SYNE1: variants seen among roughly 807,000 people sequenced by gnomAD.
SYNE1 encodes the protein nesprin-1.
Under a neutral mutation model 1,111.0 loss-of-function variants are expected in SYNE1, and 616 were observed. That is an observed-to-expected ratio of 0.55 (90% CI 0.52 to 0.59). The LOEUF (loss-of-function observed/expected upper bound fraction) is 0.59. SYNE1 is among the 20% of genes least tolerant of loss of function. The pLI is 0.00. For missense variants in SYNE1, 10,006 were observed against 10,417.0 expected (o/e 0.96, Z 1.72); for synonymous variants, 3,855 against 3,825.8 (o/e 1.01, Z -0.28).
rs1177684086 is a variant in SYNE1 at position 152,323,461 on chromosome 6, A to G, written c.15917+17T>C. ...ACAAACAAACAAACAAAAGAATGAA[A>G]GTAGGTGCTTAATTACTTCAGGCAC... On this transcript the variant is annotated intron_variant, in intron 82 of 145. Coordinates refer to ENST00000367255, the MANE Select transcript of SYNE1 (RefSeq NM_182961.4). 6.2e-7 allele frequency: 1 copy of G among 1,611,072 alleles called. No homozygotes were observed. The highest frequency in any genetic ancestry group is 2.2e-5 in the East Asian group (1 of 44,870).
intron 122 of SYNE1, among the ~76,000 whole-genome samples, chr6:152,214,563 G>A (rs2078206236): frequency 6.6e-6 from 1 of 152,188 alleles, no homozygotes; most frequent in Non-Finnish European, 1.5e-5. Context: ...ACGGTGATTA[G>A]GCCATGAGGA....
intron 140 of SYNE1, among the ~76,000 whole-genome samples, chr6:152,139,706 GA>G (rs11279871): frequency 4.2e-5 from 2 of 47,754 alleles, no homozygotes; most frequent in East Asian, 5.1e-4. Flanking sequence ...AAGAGAAAAA[GA>G]AAAGAAAGAA....
chr6:152,221,048 T>A lies in SYNE1; in HGVS notation c.21657-2A>T. ...ATCTCTTCCAGCAAGTTATTCCATCTGGAAATAATAACCAACACTCATGAG... is the reference window on the plus strand; with the variant it reads ...ATCTCTTCCAGCAAGTTATTCCATCAGGAAATAATAACCAACACTCATGAG... On this transcript the variant is annotated splice_acceptor_variant, in intron 118 of 145. Coordinates refer to ENST00000367255, the MANE Select transcript of SYNE1 (RefSeq NM_182961.4). LOFTEE classifies it high-confidence loss of function. 2 of 1,614,056 alleles carry A rather than the reference T, an allele frequency of 1.2e-6. No individual in the cohort carries two copies. Among genetic ancestry groups the A allele is most frequent in the Non-Finnish European group, 1.7e-6 (2 of 1,179,970 alleles).
intron 24 of SYNE1, among the ~76,000 whole-genome samples, chr6:152,454,951 G>C (rs2098684989): frequency 2.0e-5 from 3 of 152,074 alleles, no homozygotes; most frequent in Admixed American, 6.6e-5. Context: ...TGATAAACAT[G>C]AAGATGGCTT....
At chr6:152,184,488 T>G in intron 128 of SYNE1, among the ~76,000 whole-genome samples, 1 of 151,640 alleles carries the variant, frequency 6.6e-6, no homozygotes, top group East Asian at 1.9e-4. Context: ...ATTAAAGACC[T>G]GACAACAGCT....
chr6:152,130,490 T>C (rs565667774), intron 145 of SYNE1, among the ~76,000 whole-genome samples: 2 of 152,344 alleles, frequency 1.3e-5, no homozygotes, highest in East Asian at 3.9e-4. Context: ...ATGGGCTATG[T>C]TGAGACAAAC....
At chr6:152,349,741 AG>A (rs1438304479) in intron 72 of SYNE1, among the ~76,000 whole-genome samples, 1 of 152,198 alleles carries the variant, frequency 6.6e-6, no homozygotes, top group Non-Finnish European at 1.5e-5. Flanking sequence ...GTGTTGTAGA[AG>A]GGACCTGGTA....
rs768153188 is a variant in SYNE1, at chr6:152,458,878, G to A, written c.2447C>T (p.Pro816Leu). 14 of 1,613,756 alleles carry A rather than the reference G, an allele frequency of 8.7e-6. No homozygotes were observed. The highest frequency in any genetic ancestry group is 4.5e-5 in the East Asian group (2 of 44,864). ...LLYESQQLLI[P>L]LEELEKQMTS... ...CATCTGCTTTTCTAATTCCTCCAAC[G>A]GAATCAACAGCTGCTGAGACTCATA... is the stretch of plus-strand genomic sequence containing the variant. Residue 816 changes from proline (P) to leucine (L), a missense_variant, in exon 22 of 146, where the codon CCG becomes CTG. Around this residue, in one of 7 missense-constraint regions of SYNE1, gnomAD observed 1,971 missense variants for 2,084.1 expected, o/e 0.95. Transcript: ENST00000367255.
intron 133 of SYNE1, among the ~76,000 whole-genome samples, chr6:152,152,745 G>A (rs901541870): frequency 6.6e-6 from 1 of 152,104 alleles, no homozygotes; most frequent in South Asian, 2.1e-4. Flanking sequence ...TAAAATACAA[G>A]TAACTTTATA....
chr6:152,262,965 T>C (rs978118593), intron 100 of SYNE1, among the ~76,000 whole-genome samples: 3 of 142,554 alleles, frequency 2.1e-5, no homozygotes, highest in African/African-American at 5.4e-5. Flanking sequence ...GGGAAGGTGA[T>C]ACAGGACATG....
rs1590900424 is a variant in SYNE1, at chr6:152,353,892, C to T, written c.10927-148G>A. 1.6e-5 allele frequency: 16 copies of T among 973,442 alleles called. No individual in the cohort carries two copies. In the East Asian group the frequency reaches 3.6e-4, roughly 22 times the overall value. The allele number at this position is 973,442 out of a possible 1,614,324, so 60.3% of individuals were successfully genotyped here. A position where few individuals can be genotyped will look rare whatever the true frequency, so the allele number is the denominator to read the frequency against. On this transcript the variant is annotated intron_variant, in intron 67 of 145. Coordinates refer to ENST00000367255, the MANE Select transcript of SYNE1 (RefSeq NM_182961.4). Reference sequence around the variant, plus strand: ...TTTTGAAAATGCCATATGTTATCTTCATAAATATTATATTACAACAATGTG... The same window carrying T: ...TTTTGAAAATGCCATATGTTATCTTTATAAATATTATATTACAACAATGTG...
At chr6:152,333,579 A>T (rs756043100) in intron 77 of SYNE1, among the ~76,000 whole-genome samples, 12 of 152,194 alleles carry the variant, frequency 7.9e-5, no homozygotes, top group Non-Finnish European at 1.5e-4. Context: ...GTTCATAATG[A>T]TGTTCTACTT....
chr6:152,600,094 A>G (rs1371657488), intron 3 of SYNE1, among the ~76,000 whole-genome samples: 2 of 152,244 alleles, frequency 1.3e-5, no homozygotes, highest in African/African-American at 4.8e-5. Flanking sequence ...TGACGACTCC[A>G]TTAAATGCAG....
intron 4 of SYNE1, among the ~76,000 whole-genome samples, chr6:152,531,839 T>C (rs1031517075): frequency 4.6e-5 from 7 of 152,186 alleles, no homozygotes; most frequent in Non-Finnish European, 1.0e-4. Context: ...TCCATCCTTT[T>C]TAAAGGCTGA....
chr6:152,128,113 T>G (rs1165551343), intron 145 of SYNE1: 1 of 152,222 alleles, frequency 6.6e-6, no homozygotes, highest in Non-Finnish European at 1.5e-5. Context: ...AGCTGTCAAT[T>G]TCAACTCAGT....
chr6:152,463,401 T>C lies in SYNE1; in HGVS notation c.2049A>G (p.Leu683=). ...CCCTCCACCGCCCATTTAGCAACAG[T>C]AATTGCTGCTTCAGGTCACGGGAAA... is the stretch of plus-strand genomic sequence containing the variant. ...EMVSRDLKQQ[L]LLLNGRWREL... The change falls in exon 19 of 146, where the codon TTA becomes TTG. Residue 683 remains leucine (L), a synonymous_variant. Coordinates refer to ENST00000367255, the MANE Select transcript of SYNE1 (RefSeq NM_182961.4). 2 of 1,613,830 alleles carry C rather than the reference T, an allele frequency of 1.2e-6. No individual in the cohort carries two copies. The highest frequency in any genetic ancestry group is 1.1e-5 in the South Asian group (1 of 91,082).
chr6:152,452,751 A>G (rs148894647), intron 25 of SYNE1, among the ~76,000 whole-genome samples: 4 of 152,216 alleles, frequency 2.6e-5, no homozygotes, highest in Non-Finnish European at 4.4e-5. Flanking sequence ...AGAATCTGAC[A>G]TGCAGTCTGA....
chr6:152,220,915 T>C lies in SYNE1; in HGVS notation c.21788A>G (p.Asn7263Ser). The C allele has an allele frequency of 6.2e-7, 1 of 1,614,194 alleles. No homozygotes were observed. Among genetic ancestry groups the C allele is most frequent in the African/African-American group, 1.3e-5 (1 of 75,060 alleles). The stretch of plus-strand genomic sequence containing the variant: ...GTTTGTGGCTGCCTTCAACAGCTCA[T>C]TGGTTCGATCCTCCTGCTGCTGAAC... ...STVQQQEDRT[N>S]ELLKAATNKD... Residue 7263 changes from asparagine to serine, a missense_variant, in exon 119 of 146, where the codon AAT becomes AGT. Around this residue, in one of 7 missense-constraint regions of SYNE1, gnomAD observed 2,182 missense variants for 2,287.8 expected, o/e 0.95. Transcript: ENST00000367255.
intron 32 of SYNE1, 21 bp downstream of exon 32, chr6:152,441,109 T>C (rs1159527795): frequency 1.2e-6 from 2 of 1,612,908 alleles, no homozygotes; most frequent in South Asian, 2.2e-5. Context: ...GAATATTGGG[T>C]ACCAAGGAGC....
Sources: allele counts gnomAD v4.1 joint callset (sites outside exome capture counted in the v4.1 genomes callset), GRCh38; gene constraint gnomAD v4.1.1; regional missense constraint gnomAD v4.1.1; transcripts MANE v1.5; gene names NCBI Gene and HGNC (gene_info 2026-07-23, HGNC 2026-07-21).